Variants in SLC8B1 observed in about 807,000 individuals in gnomAD.
SLC8B1 encodes the protein mitochondrial sodium/calcium exchanger protein.
SLC8B1 carries 52 observed loss-of-function variants against 63.4 expected under a neutral mutation model. That is an observed-to-expected ratio of 0.82 (90% CI 0.66 to 1.03). SLC8B1 has a LOEUF of 1.03. Ranked by LOEUF, SLC8B1 falls within the 50% of genes least tolerant of loss-of-function variation. The probability of loss-of-function intolerance (pLI) is 0.00; values close to 1 mark genes in which losing one functional copy is unlikely to be tolerated. For synonymous variants in SLC8B1, 336 were observed against 323.9 expected (o/e 1.04, Z -0.40); for missense variants, 657 against 741.7 (o/e 0.89, Z 1.33).
intron 11 of SLC8B1, among the ~76,000 whole-genome samples, chr12:113,310,995 G>A (rs1469698590): frequency 1.3e-5 from 2 of 152,086 alleles, no homozygotes; most frequent in African/African-American, 2.4e-5. Flanking sequence ...CTAGCTCATG[G>A]CTCCCAAATG....
At chr12:113,300,229 G>A (rs1956562760) in intron 15 of SLC8B1, among the ~76,000 whole-genome samples, 1 of 152,198 alleles carries the variant, frequency 6.6e-6, no homozygotes, top group South Asian at 2.1e-4. Flanking sequence ...TGTAATTCCA[G>A]CACTTTGGGA....
chr12:113,327,504 G>A (rs1323319959), intron 2 of SLC8B1, among the ~76,000 whole-genome samples: 2 of 152,012 alleles, frequency 1.3e-5, no homozygotes, highest in African/African-American at 2.4e-5. Flanking sequence ...GGCCAACATG[G>A]TGAAACTCCA....
chr12:113,317,064 CA>C, intron 8 of SLC8B1, 63 bp from the exon 9 acceptor site: 1 of 1,463,342 alleles, frequency 6.8e-7, no homozygotes, highest in East Asian at 2.3e-5. Flanking sequence ...CACACTGGGA[CA>C]GAGCAGGTTT....
At chr12:113,328,743 T>TA (rs1957024972) in intron 2 of SLC8B1, among the ~76,000 whole-genome samples, 1 of 146,390 alleles carries the variant, frequency 6.8e-6, no homozygotes, top group Non-Finnish European at 1.5e-5. Flanking sequence ...CCCTCCCAGT[T>TA]ACTTTTTTTT....
In SLC8B1 at chr12:113,307,724, G is replaced by A. The variant is rs146994195; in HGVS notation, c.1378C>T (p.Leu460Phe). ...CTGTTCCCCCAGGCCAGCAGCGTGA[G>A]CCCCAGCACAGTGTTGCTCAGCCGG... ...VFRLSNTVLGLTLLAWGNSIG... is the reference protein window; with the variant it reads ...VFRLSNTVLGFTLLAWGNSIG... Residue 460 changes from leucine to phenylalanine, a missense_variant, in exon 13 of 16, where the codon CTC becomes TTC. Leu to Phe is a conservative substitution (Grantham distance 22). Coordinates refer to ENST00000680972, the MANE Select transcript of SLC8B1 (RefSeq NM_001358345.2). The A allele has an allele frequency of 2.8e-4, 451 of 1,614,074 alleles. No homozygotes were observed. The African/African-American group carries it at 5.5e-3, about 20-fold the overall frequency.
chr12:113,327,470 A>G (rs1332290626), intron 2 of SLC8B1, among the ~76,000 whole-genome samples: 1 of 152,108 alleles, frequency 6.6e-6, no homozygotes, highest in African/African-American at 2.4e-5. Context: ...CCAGTGCCTG[A>G]GCCCATGAGT....
At chr12:113,326,006 T>G (rs1345773539) in intron 2 of SLC8B1, among the ~76,000 whole-genome samples, 1 of 152,230 alleles carries the variant, frequency 6.6e-6, no homozygotes, top group Admixed American at 6.5e-5. Context: ...AATGGAATGA[T>G]TCCCCTTTAA....
intron 11 of SLC8B1, 45 bp downstream of exon 11, chr12:113,315,290 G>A (rs1956818595): frequency 1.4e-6 from 2 of 1,462,802 alleles, no homozygotes; most frequent in African/African-American, 1.4e-5. Flanking sequence ...CCAGAACGTG[G>A]GAAGGAGTAG....
At chr12:113,315,993 G>A (rs1470165896) in intron 10 of SLC8B1, among the ~76,000 whole-genome samples, 4 of 152,202 alleles carry the variant, frequency 2.6e-5, no homozygotes, top group African/African-American at 9.6e-5. Flanking sequence ...AGGAGGCCGA[G>A]GCGGGCGGAT....
At chr12:113,303,020 C>T (rs1784607629) in intron 15 of SLC8B1, among the ~76,000 whole-genome samples, 2 of 151,680 alleles carry the variant, frequency 1.3e-5, no homozygotes, top group South Asian at 4.2e-4. Context: ...CACACACACA[C>T]ACACATTTCC....
chr12:113,318,242 G>T (rs1956866086), intron 8 of SLC8B1, among the ~76,000 whole-genome samples: 2 of 152,106 alleles, frequency 1.3e-5, no homozygotes, highest in South Asian at 4.2e-4. Context: ...ATTTGTGTGT[G>T]TGTTGTGTAT....
intron 11 of SLC8B1, among the ~76,000 whole-genome samples, chr12:113,310,783 G>A (rs575015165): frequency 4.6e-5 from 7 of 152,184 alleles, no homozygotes; most frequent in African/African-American, 1.7e-4. Flanking sequence ...ACCCAAATAA[G>A]TCCACTCTCC....
chr12:113,308,645 A>G (rs1003156161), intron 12 of SLC8B1: 1 of 152,128 alleles, frequency 6.6e-6, no homozygotes, highest in African/African-American at 2.4e-5. Context: ...CTCACTCAGC[A>G]TCATGTTTTC....
At position 113,332,923 on chromosome 12, in the gene SLC8B1, CAGT is replaced by C. The variant is rs370241057; in HGVS notation, c.-48_-46del. The C allele has an allele frequency of 1.4e-4, 217 of 1,601,820 alleles. No individual in the cohort carries two copies. The African/African-American group carries it at 2.8e-3, about 21-fold the overall frequency. ...CCCTTACTCTCCACTTCCCTTTCTG[CAGT>C]AGCTCAGTTCCAAACAGCTGGCGGC... On this transcript the variant is annotated 5_prime_UTR_variant, in exon 2 of 16. Transcript: ENST00000680972.
intron 10 of SLC8B1, 41 bp downstream of exon 10, chr12:113,316,485 G>C: frequency 6.2e-7 from 1 of 1,603,544 alleles, no homozygotes; most frequent in Non-Finnish European, 8.5e-7. Context: ...CTGTCTTGCT[G>C]CTGTCAGAAG....
At chr12:113,303,124 C>T (rs1284041022) in intron 15 of SLC8B1, among the ~76,000 whole-genome samples, 1 of 146,470 alleles carries the variant, frequency 6.8e-6, no homozygotes, top group Non-Finnish European at 1.5e-5. Context: ...GACACACACA[C>T]ACACACACAC....
At chr12:113,310,130 T>A (rs1398668818) in intron 12 of SLC8B1, 104 bp downstream of exon 12, 1 of 1,444,032 alleles carries the variant, frequency 6.9e-7, no homozygotes, top group Non-Finnish European at 9.2e-7. Context: ...TTTGTGTGAC[T>A]CCTGATCAAA....
At chr12:113,332,230 G>T (rs774879346) in intron 2 of SLC8B1, among the ~76,000 whole-genome samples, 8 of 152,134 alleles carry the variant, frequency 5.3e-5, no homozygotes, top group Non-Finnish European at 8.8e-5. Context: ...TATTGTGTGC[G>T]GGGCACTTAG....
At chr12:113,307,874 A>T (rs1490935385) in intron 12 of SLC8B1, 30 bp from the exon 13 acceptor site, 4 of 1,604,742 alleles carry the variant, frequency 2.5e-6, no homozygotes, top group Non-Finnish European at 3.4e-6. Flanking sequence ...CTGTGGGACC[A>T]AGGCCAGCCC....
Sources: gnomAD v4.1 joint callset for allele counts (sites outside exome capture counted in the v4.1 genomes callset) on GRCh38, gnomAD v4.1.1 for gene constraint, MANE v1.5 for transcripts, NCBI Gene and HGNC (gene_info 2026-07-23, HGNC 2026-07-21) for gene names.